OR51B5: variants seen among roughly 807,000 people sequenced by gnomAD.
OR51B5 encodes olfactory receptor 51B5.
For missense variants in OR51B5, 456 were observed against 374.6 expected (o/e 1.22, Z -1.79); for synonymous variants, 186 against 144.8 (o/e 1.28, Z -2.04).
At position 5,490,456 on chromosome 11, in the gene OR51B5, C is replaced by T. The variant is rs114115253; in HGVS notation, n.84+15113G>A. 7.2e-3 allele frequency among the ~76,000 whole-genome samples: 1,092 copies of T among 152,294 alleles called. 8 individuals are homozygous for T. Among genetic ancestry groups the T allele is most frequent in the African/African-American group, 0.025 (1,030 of 41,552 alleles). On this transcript the variant is annotated intron_variant and non_coding_transcript_variant, in intron 1 of 4. Coordinates refer to the OR51B5 transcript ENST00000415970. ...TGTATATTCTTTCACTCCTCCCACA[C>T]TCATCCATTTTGAGGTCTCTTTCCT...
At chr11:5,401,884 CTCTCTTCCTTCCTTCCTTTTCTT>C (rs1589976129) in intron 1 of OR51B5, among the ~76,000 whole-genome samples, 4 of 143,852 alleles carry the variant, frequency 2.8e-5, no homozygotes, top group East Asian at 4.0e-4. Context: ...TTCCTTTTCT[CTCTCTTCCTTCCTTCCTTTTCTT>C]TCTCTCTCTC....
intron 1 of OR51B5, among the ~76,000 whole-genome samples, chr11:5,360,674 A>G (rs1849269559): frequency 6.6e-6 from 1 of 152,076 alleles, no homozygotes; most frequent in African/African-American, 2.4e-5. Flanking sequence ...TCATGCTGCT[A>G]TAAAGACACA....
At chr11:5,436,799 A>T (rs1850601665) in intron 1 of OR51B5, among the ~76,000 whole-genome samples, 2 of 152,286 alleles carry the variant, frequency 1.3e-5, no homozygotes, top group South Asian at 4.1e-4. Flanking sequence ...CTAGAAACAC[A>T]CTTATTGTAT....
At chr11:5,378,141 C>T (rs1589963050) in intron 1 of OR51B5, among the ~76,000 whole-genome samples, 1 of 151,622 alleles carries the variant, frequency 6.6e-6, no homozygotes, top group African/African-American at 2.4e-5. Flanking sequence ...GAACAGAGCC[C>T]TCAGAAATAA....
At chr11:5,377,292 G>T (rs1849542402) in intron 1 of OR51B5, among the ~76,000 whole-genome samples, 1 of 152,082 alleles carries the variant, frequency 6.6e-6, no homozygotes, top group South Asian at 2.1e-4. Context: ...AATAAATTAG[G>T]TATTGATGGG....
intron 1 of OR51B5, among the ~76,000 whole-genome samples, chr11:5,492,057 C>G (rs1295550023): frequency 6.6e-6 from 1 of 152,122 alleles, no homozygotes; most frequent in Non-Finnish European, 1.5e-5. Flanking sequence ...GTTCCTTTAT[C>G]CCCAAGTCTA....
intron 1 of OR51B5, among the ~76,000 whole-genome samples, chr11:5,469,994 A>G (rs1356286371): frequency 6.6e-6 from 1 of 152,168 alleles, no homozygotes; most frequent in Non-Finnish European, 1.5e-5. Context: ...AGGGTCCAGA[A>G]TGTCACATTC....
intron 1 of OR51B5, among the ~76,000 whole-genome samples, chr11:5,409,932 A>G (rs1850118965): frequency 6.6e-6 from 1 of 152,160 alleles, no homozygotes; most frequent in Admixed American, 6.5e-5. Context: ...ATGATCAAAA[A>G]TAGTACAAAC....
chr11:5,352,501 T>A (rs1849114070), intron 1 of OR51B5: 2 of 1,111,194 alleles, frequency 1.8e-6, no homozygotes, highest in Non-Finnish European at 2.6e-6. Flanking sequence ...AGGATGACAA[T>A]GTTGCCAGCA....
chr11:5,463,178 G>C (rs1851085632), intron 1 of OR51B5, among the ~76,000 whole-genome samples: 1 of 152,172 alleles, frequency 6.6e-6, no homozygotes, highest in African/African-American at 2.4e-5. Flanking sequence ...CCATTGAATA[G>C]GCAATTAATT....
intron 1 of OR51B5, among the ~76,000 whole-genome samples, chr11:5,443,863 GCA>G (rs533103895): frequency 0.019 from 2,897 of 150,730 alleles, 46 homozygotes; most frequent in Non-Finnish European, 0.028. Flanking sequence ...AATATCATGA[GCA>G]CACACACACA....
intron 1 of OR51B5, among the ~76,000 whole-genome samples, chr11:5,379,783 A>T (rs1041067208): frequency 2.0e-5 from 3 of 152,180 alleles, no homozygotes; most frequent in Non-Finnish European, 4.4e-5. Flanking sequence ...CTAATTTCAC[A>T]TATGGTGGAC....
At chr11:5,489,194 T>A (rs1851540558) in intron 1 of OR51B5, 4 of 1,468,434 alleles carry the variant, frequency 2.7e-6, no homozygotes, top group Non-Finnish European at 3.6e-6. Context: ...TCCCCCTTCA[T>A]CTTCTTGCTG....
chr11:5,472,186 A>G (rs1042587476), intron 1 of OR51B5, among the ~76,000 whole-genome samples: 8 of 152,188 alleles, frequency 5.3e-5, no homozygotes, highest in Non-Finnish European at 8.8e-5. Flanking sequence ...AAGCCAGCAT[A>G]GTGGCAGTTC....
chr11:5,434,919 G>A (rs1234197954), intron 1 of OR51B5, among the ~76,000 whole-genome samples: 2 of 152,106 alleles, frequency 1.3e-5, no homozygotes, highest in African/African-American at 4.8e-5. Flanking sequence ...ATCTAAATGA[G>A]AAAAATGGGA....
chr11:5,453,415 C>T (rs895526400), intron 1 of OR51B5: 1 of 1,106,008 alleles, frequency 9.0e-7, no homozygotes, highest in Non-Finnish European at 1.3e-6. Flanking sequence ...TTCTTGTCCT[C>T]CAGCAAGTGC....
chr11:5,371,375 T>C lies in OR51B5; in HGVS notation n.85-24465A>G, dbSNP rs141305266. On this transcript the variant is annotated intron_variant and non_coding_transcript_variant, in intron 1 of 4. Coordinates refer to the OR51B5 transcript ENST00000415970. ...CATTTAATAGAGACATTGATGAAAC[T>C]GTAAAACCCTGAGTTGTAGGCCGGA... Among the ~76,000 whole-genome samples the C allele has an allele frequency of 4.6e-5, 7 of 152,256 alleles. No homozygotes were observed. In the East Asian group the frequency reaches 1.2e-3, roughly 25 times the overall value.
At chr11:5,413,296 C>T (rs1323253803) in intron 1 of OR51B5, among the ~76,000 whole-genome samples, 2 of 152,130 alleles carry the variant, frequency 1.3e-5, no homozygotes, top group East Asian at 3.9e-4. Context: ...ACATCACCAT[C>T]ATCAAAGACC....
chr11:5,491,720 C>T (rs1395727944), intron 1 of OR51B5, among the ~76,000 whole-genome samples: 1 of 152,210 alleles, frequency 6.6e-6, no homozygotes, highest in East Asian at 1.9e-4. Flanking sequence ...AAATGACTAA[C>T]ACAGAAAGGC....
Sources: allele counts gnomAD v4.1 joint callset (sites outside exome capture counted in the v4.1 genomes callset), GRCh38; gene constraint gnomAD v4.1.1; transcripts MANE v1.5; gene names NCBI Gene and HGNC (gene_info 2026-07-23, HGNC 2026-07-21).